The following TRPV6 variants were observed in gnomAD, a reference collection of about 807,000 sequenced individuals.
TRPV6 encodes the protein transient receptor potential cation channel subfamily V member 6, also known as Alu-binding protein with zinc finger domain.
TRPV6 carries 39 observed loss-of-function variants against 79.0 expected under a neutral mutation model. The observed-to-expected ratio is 0.49, with a 90% CI of 0.38 to 0.64. The LOEUF (loss-of-function observed/expected upper bound fraction) is 0.64. Among genes scored for constraint, TRPV6 ranks in the 30% least tolerant of loss-of-function variants. The pLI is 0.00. For synonymous variants in TRPV6, 373 were observed against 391.9 expected (o/e 0.95, Z 0.57); for missense variants, 813 against 1,011.1 (o/e 0.80, Z 2.66).
chr7:142,876,906 A>G (rs954994603), intron 4 of TRPV6, 69 bp from the exon 5 acceptor site: 42 of 1,575,756 alleles, frequency 2.7e-5, no homozygotes, highest in Non-Finnish European at 3.5e-5. Flanking sequence ...GTCTCCCCCA[A>G]GTGACAGCCT....
chr7:142,882,810 A>T (rs866661807), intron 1 of TRPV6: 1 of 152,168 alleles, frequency 6.6e-6, no homozygotes, highest in Non-Finnish European at 1.5e-5. Context: ...CACACATTTC[A>T]TACAGGTATT....
intron 1 of TRPV6, chr7:142,880,140 CAT>C (rs1268194190): frequency 3.3e-5 from 5 of 152,198 alleles, no homozygotes; most frequent in Admixed American, 2.6e-4. Context: ...TTTCAGCAAG[CAT>C]ATAAGTGAAA....
intron 6 of TRPV6, 62 bp from the exon 7 acceptor site, chr7:142,875,966 T>C (rs1563355280): frequency 6.6e-7 from 1 of 1,509,174 alleles, no homozygotes; most frequent in Admixed American, 2.2e-5. Flanking sequence ...AGAGTGTGGA[T>C]AGGATGCATG....
rs1226481491 is a variant in TRPV6, at chr7:142,871,755, T to G, written c.2250A>C (p.Ile750=). 1 of 1,613,564 alleles carries G rather than the reference T, an allele frequency of 6.2e-7. No individual in the cohort carries two copies. The highest frequency in any genetic ancestry group is 1.3e-5 in the African/African-American group (1 of 74,896). Residue 750 remains isoleucine, a synonymous_variant, in exon 15 of 15, where the codon ATA becomes ATC. Transcript: ENST00000359396. ...CCCCGTCCTCCAGACCCCTGTTGAT[T>G]ATCCCACGCAGGTCTCTCCTCAGGG... is the stretch of plus-strand genomic sequence containing the variant.
In TRPV6 at chr7:142,875,910, G is replaced by A; in HGVS notation, c.883-6C>T. 1 of 1,569,740 alleles carries A rather than the reference G, an allele frequency of 6.4e-7. No individual in the cohort carries two copies. The highest frequency in any genetic ancestry group is 8.6e-7 in the Non-Finnish European group (1 of 1,158,552). On this transcript the variant is annotated splice_region_variant and splice_polypyrimidine_tract_variant and intron_variant, in intron 6 of 14. Transcript: ENST00000359396. ...TGCATCAGGTGCTGAAACATCTAAG[G>A]GAAAGTGAAGATGACTCAGGAGCAG...
At chr7:142,877,800 A>C in intron 2 of TRPV6, 27 bp from the exon 3 acceptor site, 1 of 1,613,954 alleles carries the variant, frequency 6.2e-7, no homozygotes, top group Non-Finnish European at 8.5e-7. Context: ...GGTGGGTTAT[A>C]TGGCTTCTGT....
Position 142,873,655 on chromosome 7 carries a change from G to A in TRPV6, c.1701C>T (p.Pro567=), listed in dbSNP as rs181131940. 6.2e-7 allele frequency: 1 copy of A among 1,614,216 alleles called. No homozygotes were observed. Among genetic ancestry groups the A allele is most frequent in the East Asian group, 2.2e-5 (1 of 44,884 alleles). Residue 567 remains proline, a synonymous_variant, in exon 13 of 15, where the codon CCC becomes CCT. Coordinates refer to ENST00000359396, the MANE Select transcript of TRPV6 (RefSeq NM_018646.6). The surrounding 1 kb of genome is among the most constrained non-coding windows in gnomAD (Gnocchi z 4.8). ...GCTCGAAGGTGCTGAACAGGGCCAT[G>A]GGGTAGTCGTAGAAGTGGCCTAGCT...
At chr7:142,876,195 T>G (rs1795064280) in intron 6 of TRPV6, 4 of 777,880 alleles carry the variant, frequency 5.1e-6, no homozygotes, top group Non-Finnish European at 6.0e-6. Context: ...AATCCTAGCA[T>G]GGGATCTAGA....
chr7:142,877,643 G>A lies in TRPV6; in HGVS notation c.469+8C>T, dbSNP rs1450382619. ...CCTGCTCTTCACCCCAGACCCGTGG[G>A]CCCTCACCCTCATAGAGCTCAGATG... is the stretch of plus-strand genomic sequence containing the variant. On this transcript the variant is annotated splice_region_variant and intron_variant, in intron 3 of 14. Transcript: ENST00000359396. The A allele has an allele frequency of 1.2e-6, 2 of 1,613,860 alleles. No individual in the cohort carries two copies. Among genetic ancestry groups the A allele is most frequent in the Non-Finnish European group, 1.7e-6 (2 of 1,179,874 alleles).
chr7:142,882,749 C>T (rs181170668), intron 1 of TRPV6: 32 of 152,282 alleles, frequency 2.1e-4, no homozygotes, highest in African/African-American at 6.5e-4. Flanking sequence ...CCAAGGCAAG[C>T]GTGCACAATA....
Position 142,872,423 on chromosome 7 carries a change from C to A in TRPV6, c.1964G>T (p.Arg655Leu). 6.2e-7 allele frequency: 1 copy of A among 1,614,212 alleles called. No individual in the cohort carries two copies. The highest frequency in any genetic ancestry group is 8.5e-7 in the Non-Finnish European group (1 of 1,180,034). ...ATACTCCCGTCCGCAGATCCCGGAG[C>A]GAGGCCACAGGCAGCGAGGCAGCTT... The change falls in exon 14 of 15, where the codon CGC (arginine) becomes CTC (leucine). Residue 655 changes from arginine to leucine, a missense_variant. This residue lies in a region of TRPV6 where 164 missense variants were observed against 186.1 expected (regional missense o/e 0.88). Coordinates refer to ENST00000359396, the MANE Select transcript of TRPV6 (RefSeq NM_018646.6).
At chr7:142,882,458 G>A (rs997966537) in intron 1 of TRPV6, 3 of 152,174 alleles carry the variant, frequency 2.0e-5, no homozygotes, top group Non-Finnish European at 4.4e-5. Flanking sequence ...AAATTATGTG[G>A]TTCTTCTAGT....
Position 142,885,477 on chromosome 7 carries a change from A to G in TRPV6, c.160T>C (p.Cys54Arg). 3 of 1,613,898 alleles carry G rather than the reference A, an allele frequency of 1.9e-6. No homozygotes were observed. The highest frequency in any genetic ancestry group is 2.5e-6 in the Non-Finnish European group (3 of 1,179,852). Residue 54 changes from cysteine (C) to arginine (R), a missense_variant, in exon 1 of 15, where the codon TGC becomes CGC. Physicochemically the swap from Cys to Arg is radical, Grantham distance 180. Around this residue, in one of 3 missense-constraint regions of TRPV6, gnomAD observed 555 missense variants for 631.0 expected, o/e 0.88. Transcript: ENST00000359396. ...CATCTGCAGAACTTGCTCCATAGGC[A>G]GAGAATTAGCCCTTTCTCCTTGGGC...
rs764219945 is a variant in TRPV6, at chr7:142,871,896, T to G, written c.2109A>C (p.Ser703=). 1.9e-6 allele frequency: 3 copies of G among 1,614,212 alleles called. No individual in the cohort carries two copies. Among genetic ancestry groups the G allele is most frequent in the South Asian group, 1.1e-5 (1 of 91,086 alleles). Residue 703 remains serine, a synonymous_variant, in exon 15 of 15, where the codon TCA becomes TCC. Transcript: ENST00000359396. ...GACAGCCCAGCTCTAGTTTTTCCACTGAGTCTTTGTCCAAATCCTCAGAGC... is the reference window on the plus strand; with the variant it reads ...GACAGCCCAGCTCTAGTTTTTCCACGGAGTCTTTGTCCAAATCCTCAGAGC...
chr7:142,874,881 G>A, intron 10 of TRPV6, 23 bp downstream of exon 10: 1 of 1,613,604 alleles, frequency 6.2e-7, no homozygotes, highest in Non-Finnish European at 8.5e-7. Context: ...GGAAGGGATG[G>A]GAGTGAGAGG....
chr7:142,876,701 T>C (rs945718288), intron 5 of TRPV6, 38 bp downstream of exon 5: 9 of 1,613,770 alleles, frequency 5.6e-6, no homozygotes, highest in Admixed American at 1.7e-5. Context: ...CCTCACTCCC[T>C]GCAGCATCCC....
intron 11 of TRPV6, 34 bp from the exon 12 acceptor site, chr7:142,874,176 A>C: frequency 3.1e-6 from 5 of 1,604,112 alleles, no homozygotes; most frequent in South Asian, 1.1e-5. Context: ...ACATCTGCAC[A>C]CATTCCCCAA....
intron 1 of TRPV6, chr7:142,878,969 G>A (rs1480493466): frequency 1.3e-5 from 2 of 152,196 alleles, no homozygotes; most frequent in Admixed American, 6.5e-5. Context: ...CGATAAATCA[G>A]AGACAAGCTC....
intron 11 of TRPV6, 76 bp from the exon 12 acceptor site, chr7:142,874,218 C>A: frequency 6.6e-7 from 1 of 1,505,292 alleles, no homozygotes; most frequent in Non-Finnish European, 9.1e-7. Flanking sequence ...TAACAGGTCT[C>A]ACCCCGACAA....
Sources: allele counts gnomAD v4.1 joint callset, GRCh38; gene constraint gnomAD v4.1.1; regional missense constraint gnomAD v4.1.1; non-coding constraint Gnocchi (gnomAD v3.1); transcripts MANE v1.5; gene names NCBI Gene and HGNC (gene_info 2026-07-23, HGNC 2026-07-21).